Variants in CCBE1 observed in about 807,000 individuals in gnomAD.
CCBE1 encodes the protein collagen and calcium binding EGF domains 1, also known as collagen and calcium-binding EGF domain-containing protein 1.
Under a neutral mutation model 50.0 loss-of-function variants are expected in CCBE1, and 37 were observed. The ratio of observed to expected loss-of-function variants is 0.74; its 90% CI spans 0.57 to 0.97. The LOEUF is 0.97. Among genes scored for constraint, CCBE1 ranks in the 50% least tolerant of loss-of-function variants. The probability of loss-of-function intolerance (pLI) is 0.00; values close to 1 mark genes in which losing one functional copy is unlikely to be tolerated. For missense variants in CCBE1, 538 were observed against 523.8 expected, an observed-to-expected ratio of 1.03 and a Z score of -0.26; for synonymous variants, 234 against 203.7, an observed-to-expected ratio of 1.15 and a Z score of -1.27.
intron 5 of CCBE1, among the ~76,000 whole-genome samples, chr18:59,455,525 C>T (rs1911150770): frequency 6.6e-6 from 1 of 152,180 alleles, no homozygotes; most frequent in Non-Finnish European, 1.5e-5. Flanking sequence ...GCAGTCGGGC[C>T]CAACCACTGC....
At chr18:59,491,814 C>CCAAACAAACAAACAAA (rs201367103) in intron 2 of CCBE1, among the ~76,000 whole-genome samples, 11 of 37,794 alleles carry the variant, frequency 2.9e-4, no homozygotes, top group East Asian at 1.3e-3. Context: ...GACTCTGTCT[C>CCAAACAAACAAACAAA]CAAACAAACA....
At chr18:59,551,054 GA>G (rs1915912066) in intron 2 of CCBE1, among the ~76,000 whole-genome samples, 3 of 111,474 alleles carry the variant, frequency 2.7e-5, no homozygotes, top group South Asian at 3.0e-4. Flanking sequence ...AGAAAAAAAA[GA>G]AAAAAGAAAA....
intron 2 of CCBE1, among the ~76,000 whole-genome samples, chr18:59,530,681 C>T (rs1915014484): frequency 6.6e-6 from 1 of 152,152 alleles, no homozygotes; most frequent in Non-Finnish European, 1.5e-5. Flanking sequence ...ATAAAATTGA[C>T]AGAGCTTCTG....
At chr18:59,544,992 A>C (rs1433685695) in intron 2 of CCBE1, among the ~76,000 whole-genome samples, 1 of 152,238 alleles carries the variant, frequency 6.6e-6, no homozygotes, top group East Asian at 1.9e-4. Context: ...TTATGTTAAT[A>C]CAATCAATAT....
intron 3 of CCBE1, among the ~76,000 whole-genome samples, chr18:59,478,684 T>C (rs1912427099): frequency 6.6e-6 from 1 of 152,236 alleles, no homozygotes. Flanking sequence ...CAATGTGTTT[T>C]TAATTAGGTT....
Position 59,688,656 on chromosome 18 carries a change from G to A in CCBE1, c.212+7973C>T, listed in dbSNP as rs113006583. Among the ~76,000 whole-genome samples the A allele has an allele frequency of 3.0e-3, 464 of 152,300 alleles. 1 individual carries two copies. The highest frequency in any genetic ancestry group is 0.01 in the African/African-American group (418 of 41,572). On this transcript the variant is annotated intron_variant, in intron 2 of 10. Coordinates refer to ENST00000439986, the MANE Select transcript of CCBE1 (RefSeq NM_133459.4). ...GAAGTGAGTGCTCAATCAACTCCTT[G>A]CAATAAAGTCAGCTTCTTAGAAACT...
At chr18:59,492,592 G>C (rs1257245878) in intron 2 of CCBE1, among the ~76,000 whole-genome samples, 1 of 152,140 alleles carries the variant, frequency 6.6e-6, no homozygotes, top group Admixed American at 6.5e-5. Context: ...GAGCCATTTT[G>C]GACAATGTGA....
Position 59,697,317 on chromosome 18 carries a change from C to A in CCBE1, c.26G>T (p.Gly9Val). The A allele has an allele frequency of 6.5e-7, 1 of 1,548,780 alleles. No individual in the cohort carries two copies. The highest frequency in any genetic ancestry group is 2.4e-5 in the East Asian group (1 of 40,952). ...GCCCAGCTGGCCCCTGGCAGCTCCT[C>A]CCCGGCTCGGAGGCGGCGGCACCAT... MVPPPPSR[G>V]GAARGQLGRS... The change falls in exon 1 of 11, where the codon GGA becomes GTA. Residue 9 changes from glycine (G) to valine (V), a missense_variant. Gly to Val is a moderately radical substitution (Grantham distance 109, BLOSUM62 -3). Coordinates refer to ENST00000439986, the MANE Select transcript of CCBE1 (RefSeq NM_133459.4).
intron 2 of CCBE1, among the ~76,000 whole-genome samples, chr18:59,640,682 G>A (rs939062894): frequency 7.9e-5 from 12 of 151,986 alleles, no homozygotes; most frequent in South Asian, 6.2e-4. Context: ...GAGCAAAAGC[G>A]GCTATCAACA....
chr18:59,651,448 G>A (rs1411273775), intron 2 of CCBE1, among the ~76,000 whole-genome samples: 2 of 152,164 alleles, frequency 1.3e-5, no homozygotes, highest in East Asian at 3.8e-4. Flanking sequence ...CATCCTCTTG[G>A]GCTCAGTTTA....
chr18:59,682,570 C>T (rs2054604844), intron 2 of CCBE1, among the ~76,000 whole-genome samples: 1 of 152,186 alleles, frequency 6.6e-6, no homozygotes, highest in African/African-American at 2.4e-5. Context: ...TATGATGCCT[C>T]CATACAATTA....
chr18:59,476,190 C>T (rs1353729744), intron 3 of CCBE1, among the ~76,000 whole-genome samples: 1 of 152,170 alleles, frequency 6.6e-6, no homozygotes, highest in Non-Finnish European at 1.5e-5. Context: ...ATAATACCCA[C>T]ACTTCATGGT....
chr18:59,640,708 A>T (rs376483601), intron 2 of CCBE1, among the ~76,000 whole-genome samples: 123 of 152,306 alleles, frequency 8.1e-4, no homozygotes, highest in African/African-American at 2.9e-3. Context: ...GACAACTTAC[A>T]ACATGGGAGA....
intron 2 of CCBE1, among the ~76,000 whole-genome samples, chr18:59,687,551 G>C (rs1213107404): frequency 6.6e-6 from 1 of 152,048 alleles, no homozygotes; most frequent in African/African-American, 2.4e-5. Flanking sequence ...ATTTCTTTTA[G>C]ACTGTTCTCT....
At chr18:59,521,751 A>T (rs879454593) in intron 2 of CCBE1, among the ~76,000 whole-genome samples, 7 of 107,974 alleles carry the variant, frequency 6.5e-5, no homozygotes, top group Non-Finnish European at 1.2e-4. Context: ...AAAAAAATGC[A>T]GGCTGTGTAG....
chr18:59,548,196 G>T (rs953206363), intron 2 of CCBE1, among the ~76,000 whole-genome samples: 2 of 152,104 alleles, frequency 1.3e-5, no homozygotes, highest in Admixed American at 1.3e-4. Flanking sequence ...TGGTTTGTTG[G>T]GGCCAAGACT....
intron 2 of CCBE1, among the ~76,000 whole-genome samples, chr18:59,595,444 T>C (rs1280958926): frequency 6.6e-6 from 1 of 152,182 alleles, no homozygotes; most frequent in Non-Finnish European, 1.5e-5. Context: ...CCTGTGTCCC[T>C]ATCAAGATTA....
At chr18:59,516,640 G>C (rs1914385752) in intron 2 of CCBE1, among the ~76,000 whole-genome samples, 1 of 152,154 alleles carries the variant, frequency 6.6e-6, no homozygotes, top group Admixed American at 6.5e-5. Context: ...CTCTTCTTAG[G>C]AGATGATTTG....
chr18:59,589,515 G>A lies in CCBE1; in HGVS notation c.212+107114C>T, dbSNP rs75951268. Among the ~76,000 whole-genome samples, 540 of 152,180 alleles carry A rather than the reference G, an allele frequency of 3.5e-3. 8 individuals carry two copies. In the East Asian group the frequency reaches 0.048, roughly 14 times the overall value. On this transcript the variant is annotated intron_variant, in intron 2 of 10. Transcript: ENST00000439986. ...TCATTAAAAATGTTACACACCATGG[G>A]CCAGGCACGGTGGCTCACACCTGTA...
Sources: gnomAD v4.1 joint callset for allele counts (sites outside exome capture counted in the v4.1 genomes callset) on GRCh38, gnomAD v4.1.1 for gene constraint, MANE v1.5 for transcripts, NCBI Gene and HGNC (gene_info 2026-07-23, HGNC 2026-07-21) for gene names.